The following SETBP1 variants were observed in gnomAD, a reference collection of about 807,000 sequenced individuals.
SETBP1 encodes the protein SET-binding protein.
Under a neutral mutation model 101.0 loss-of-function variants are expected in SETBP1, and 9 were observed. The observed-to-expected ratio is 0.09, with a 90% CI of 0.05 to 0.16. The LOEUF (loss-of-function observed/expected upper bound fraction) is 0.16, where lower values mean the gene tolerates loss of function less well. SETBP1 is among the 10% of genes least tolerant of loss of function. SETBP1 has a pLI of 1.00. For missense variants in SETBP1, 1,858 were observed against 2,033.8 expected (o/e 0.91, Z 1.66); for synonymous variants, 818 against 788.5 (o/e 1.04, Z -0.63).
intron 2 of SETBP1, among the ~76,000 whole-genome samples, chr18:44,783,196 G>A (rs2071170574): frequency 1.3e-5 from 2 of 152,226 alleles, no homozygotes; most frequent in Admixed American, 6.5e-5. Flanking sequence ...CAACATTTAT[G>A]AGATATTTTG....
At chr18:45,035,151 G>T (rs1203096909) in intron 4 of SETBP1, among the ~76,000 whole-genome samples, 9 of 152,184 alleles carry the variant, frequency 5.9e-5, no homozygotes, top group Admixed American at 5.9e-4. Context: ...CCCTCAGATA[G>T]ATTTTGTGGA....
chr18:44,937,356 G>T (rs1238468754), intron 3 of SETBP1, among the ~76,000 whole-genome samples: 1 of 150,254 alleles, frequency 6.7e-6, no homozygotes, highest in South Asian at 2.1e-4. Context: ...TTGGGAGGCT[G>T]AGGCAGGAGA....
intron 2 of SETBP1, among the ~76,000 whole-genome samples, chr18:44,719,563 T>A (rs1016645681): frequency 6.6e-6 from 1 of 152,186 alleles, no homozygotes; most frequent in Admixed American, 6.5e-5. Flanking sequence ...AGCTTCCCAC[T>A]GGTGTCAGAA....
chr18:44,884,096 C>A (rs1262592801), intron 3 of SETBP1, among the ~76,000 whole-genome samples: 1 of 152,188 alleles, frequency 6.6e-6, no homozygotes, highest in Non-Finnish European at 1.5e-5. Flanking sequence ...CACCCCATCT[C>A]TGGATACTTT....
intron 2 of SETBP1, among the ~76,000 whole-genome samples, chr18:44,826,817 C>A (rs1208416044): frequency 2.0e-5 from 3 of 152,146 alleles, no homozygotes; most frequent in East Asian, 1.9e-4. Flanking sequence ...ACAAAGGAGG[C>A]CCCTGCAGAC....
At chr18:45,039,341 C>T (rs968056711) in intron 5 of SETBP1, among the ~76,000 whole-genome samples, 3 of 152,214 alleles carry the variant, frequency 2.0e-5, no homozygotes, top group African/African-American at 7.2e-5. Context: ...AGCCCCTGTG[C>T]CCACCTCCAC....
chr18:45,007,675 C>T (rs1388553422), intron 4 of SETBP1, among the ~76,000 whole-genome samples: 1 of 152,170 alleles, frequency 6.6e-6, no homozygotes, highest in Non-Finnish European at 1.5e-5. Flanking sequence ...GCACATTTAA[C>T]CTGGAGATGT....
At chr18:44,861,241 T>C (rs1288188079) in intron 2 of SETBP1, among the ~76,000 whole-genome samples, 12 of 133,710 alleles carry the variant, frequency 9.0e-5, no homozygotes, top group East Asian at 4.3e-4. Context: ...TTTTTTTTTT[T>C]TTTTTTTTTT....
intron 5 of SETBP1, among the ~76,000 whole-genome samples, chr18:45,060,414 T>G (rs1421840257): frequency 3.9e-5 from 6 of 152,150 alleles, no homozygotes; most frequent in Admixed American, 6.5e-5. Flanking sequence ...TAGATTCAGA[T>G]TTTTAATTTT....
At chr18:44,689,030 C>A (rs1481052831) in intron 1 of SETBP1, among the ~76,000 whole-genome samples, 1 of 152,138 alleles carries the variant, frequency 6.6e-6, no homozygotes, top group East Asian at 1.9e-4. Flanking sequence ...AAATGGAAAG[C>A]ATTCTTCTGC....
chr18:44,806,960 A>G (rs779150433), intron 2 of SETBP1, among the ~76,000 whole-genome samples: 2 of 152,008 alleles, frequency 1.3e-5, no homozygotes, highest in African/African-American at 2.4e-5. Flanking sequence ...CCCAGCCTGA[A>G]CCAGCAGCTT....
At chr18:44,751,916 C>T (rs1304073345) in intron 2 of SETBP1, among the ~76,000 whole-genome samples, 1 of 152,168 alleles carries the variant, frequency 6.6e-6, no homozygotes, top group African/African-American at 2.4e-5. Context: ...GCTGCCTTCT[C>T]ATTGTGTCCT....
intron 2 of SETBP1, among the ~76,000 whole-genome samples, chr18:44,773,822 CTG>C (rs1422174845): frequency 2.0e-5 from 2 of 101,402 alleles, no homozygotes; most frequent in African/African-American, 7.0e-5. Context: ...CTCTCTCTCT[CTG>C]TCTCTCTCTG....
chr18:44,829,864 A>G (rs1469603757), intron 2 of SETBP1, among the ~76,000 whole-genome samples: 1 of 152,218 alleles, frequency 6.6e-6, no homozygotes, highest in African/African-American at 2.4e-5. Context: ...ACGTATCCAC[A>G]TTATTTACCA....
In SETBP1 at chr18:44,958,959, G is replaced by A. The variant is rs189864602; in HGVS notation, c.4000+5619G>A. Among the ~76,000 whole-genome samples the A allele has an allele frequency of 3.6e-3, 541 of 152,064 alleles. 1 individual carries two copies. The highest frequency in any genetic ancestry group is 4.4e-3 in the Non-Finnish European group (296 of 67,972). Reference sequence around the variant, plus strand: ...AAACCAAGAATTAATCAAATTAAATGATATAACCCATAACTTTGTAGCAAC... The same window carrying A: ...AAACCAAGAATTAATCAAATTAAATAATATAACCCATAACTTTGTAGCAAC... On this transcript the variant is annotated intron_variant, in intron 4 of 5. Transcript: ENST00000649279.
At chr18:44,863,205 T>C (rs962272489) in intron 2 of SETBP1, among the ~76,000 whole-genome samples, 1 of 152,190 alleles carries the variant, frequency 6.6e-6, no homozygotes, top group Non-Finnish European at 1.5e-5. Context: ...TAGACCCCTT[T>C]CCTTTTCTCT....
chr18:44,769,820 A>C (rs1568134122), intron 2 of SETBP1, among the ~76,000 whole-genome samples: 1 of 152,198 alleles, frequency 6.6e-6, no homozygotes, highest in East Asian at 1.9e-4. Flanking sequence ...ACTCACATAC[A>C]TATGCTGCTG....
intron 2 of SETBP1, among the ~76,000 whole-genome samples, chr18:44,758,163 A>T (rs933447504): frequency 9.2e-5 from 14 of 152,128 alleles, no homozygotes; most frequent in African/African-American, 2.7e-4. Context: ...CTGGACATAG[A>T]TTACTGAGGC....
At chr18:44,816,168 G>T (rs1367409985) in intron 2 of SETBP1, among the ~76,000 whole-genome samples, 2 of 152,192 alleles carry the variant, frequency 1.3e-5, no homozygotes, top group African/African-American at 4.8e-5. Flanking sequence ...AGGCAGGTGG[G>T]GAAGGGAACA....
Sources: gnomAD v4.1 joint callset for allele counts (sites outside exome capture counted in the v4.1 genomes callset) on GRCh38, gnomAD v4.1.1 for gene constraint, MANE v1.5 for transcripts, NCBI Gene and HGNC (gene_info 2026-07-23, HGNC 2026-07-21) for gene names.